RBFOX1: variants seen among roughly 807,000 people sequenced by gnomAD.
The protein encoded by RBFOX1 is RNA binding fox-1 homolog 1, also known as RNA binding protein fox-1 homolog 1.
Under a neutral mutation model 57.7 loss-of-function variants are expected in RBFOX1, and 8 were observed. That is an observed-to-expected ratio of 0.14 (90% CI 0.08 to 0.25). The LOEUF is 0.25. RBFOX1 is among the 10% of genes least tolerant of loss of function. The pLI is 1.00. For synonymous variants in RBFOX1, 326 were observed against 222.4 expected (o/e 1.47, Z -4.15); for missense variants, 611 against 548.5 (o/e 1.11, Z -1.14).
chr16:7,691,706 G>C (rs8056123), intron 14 of RBFOX1, among the ~76,000 whole-genome samples: 145,205 of 152,184 alleles, frequency 0.95, 69,629 homozygotes, highest in East Asian at 1. Flanking sequence ...TGGCTTTCCT[G>C]ATGTCTAGCA....
chr16:6,441,652 A>C (rs946744889), intron 2 of RBFOX1, among the ~76,000 whole-genome samples: 1 of 152,134 alleles, frequency 6.6e-6, no homozygotes, highest in Admixed American at 6.6e-5. Context: ...TCCTCACCTC[A>C]GGTGATCCAC....
chr16:5,788,796 G>C (rs1419505949), intron 3 of RBFOX1, among the ~76,000 whole-genome samples: 7 of 152,016 alleles, frequency 4.6e-5, no homozygotes, highest in African/African-American at 1.7e-4. Flanking sequence ...ACAGGCACAT[G>C]CTTTTCTACC....
At chr16:7,016,218 A>G (rs999182867) in intron 3 of RBFOX1, among the ~76,000 whole-genome samples, 4 of 152,124 alleles carry the variant, frequency 2.6e-5, no homozygotes, top group African/African-American at 9.7e-5. Context: ...CGCCATCAAC[A>G]TGTATCCCCA....
Position 6,907,165 on chromosome 16 carries a change from G to A in RBFOX1, c.-15-144892G>A, listed in dbSNP as rs148046211. 4.2e-3 allele frequency among the ~76,000 whole-genome samples: 643 copies of A among 152,232 alleles called. 6 individuals carry two copies. Among genetic ancestry groups the A allele is most frequent in the Non-Finnish European group, 5.0e-3 (338 of 68,024 alleles). ...AGACATTTCTGTGTTTTACAACTTGGCAGGGGAGTATGTCCTCCTGGCATC... is the reference window on the plus strand; with the variant it reads ...AGACATTTCTGTGTTTTACAACTTGACAGGGGAGTATGTCCTCCTGGCATC... On this transcript the variant is annotated intron_variant, in intron 3 of 15. Transcript: ENST00000550418.
chr16:7,567,619 CTATATA>C (rs368067278), intron 5 of RBFOX1, among the ~76,000 whole-genome samples: 1 of 25,122 alleles, frequency 4.0e-5, no homozygotes. Context: ...TTATATGGCC[CTATATA>C]TATATATATA....
intron 1 of RBFOX1, among the ~76,000 whole-genome samples, chr16:6,195,332 C>A (rs73532070): frequency 0.03 from 4,611 of 152,264 alleles, 95 homozygotes; most frequent in Middle Eastern, 0.068. Context: ...GTTGCTCCCA[C>A]CACACGTTCC....
intron 3 of RBFOX1, among the ~76,000 whole-genome samples, chr16:6,920,661 C>G (rs924805942): frequency 3.3e-5 from 5 of 152,064 alleles, no homozygotes; most frequent in African/African-American, 1.2e-4. Context: ...CATTTCATAC[C>G]TCTTCCCTAG....
At chr16:7,189,570 CACACACACACACACACAT>C (rs1263497043) in intron 4 of RBFOX1, among the ~76,000 whole-genome samples, 9 of 150,622 alleles carry the variant, frequency 6.0e-5, no homozygotes, top group South Asian at 2.1e-4. Flanking sequence ...CACACACACA[CACACACACACACACACAT>C]ACACACACAA....
intron 3 of RBFOX1, among the ~76,000 whole-genome samples, chr16:6,787,843 C>G (rs890052529): frequency 1.3e-5 from 2 of 152,152 alleles, no homozygotes; most frequent in African/African-American, 4.8e-5. Context: ...TATTTATATT[C>G]TATAAAGTTA....
At chr16:5,513,369 A>C (rs8058856) in intron 2 of RBFOX1, among the ~76,000 whole-genome samples, 91,068 of 152,060 alleles carry the variant, frequency 0.6, 29,657 homozygotes, top group African/African-American at 0.87. Context: ...GTGCCCCTTT[A>C]ATCATGTCAT....
chr16:5,629,684 G>A (rs2048443986), intron 3 of RBFOX1, among the ~76,000 whole-genome samples: 1 of 152,136 alleles, frequency 6.6e-6, no homozygotes, highest in Non-Finnish European at 1.5e-5. Flanking sequence ...CTTTTTATGT[G>A]CTTACCTCCC....
intron 4 of RBFOX1, among the ~76,000 whole-genome samples, chr16:7,128,641 C>T (rs1487635814): frequency 4.6e-5 from 7 of 152,024 alleles, no homozygotes; most frequent in Admixed American, 3.9e-4. Flanking sequence ...CTCATTTCTA[C>T]CCTATTGTTA....
chr16:6,821,616 G>A (rs528382470), intron 3 of RBFOX1, among the ~76,000 whole-genome samples: 1 of 152,270 alleles, frequency 6.6e-6, no homozygotes, highest in South Asian at 2.1e-4. Context: ...GTCCGTTTAT[G>A]ATATCTTACA....
At chr16:5,564,015 A>T (rs954526194) in intron 2 of RBFOX1, among the ~76,000 whole-genome samples, 7 of 151,796 alleles carry the variant, frequency 4.6e-5, no homozygotes, top group East Asian at 1.9e-4. Context: ...AGTTTTTTTA[A>T]AAAATTTTTT....
At chr16:5,958,755 C>G (rs974009818) in intron 4 of RBFOX1, among the ~76,000 whole-genome samples, 7 of 152,150 alleles carry the variant, frequency 4.6e-5, no homozygotes, top group Admixed American at 4.6e-4. Flanking sequence ...CTATTCCTTG[C>G]CTTGTCTAGC....
intron 4 of RBFOX1, among the ~76,000 whole-genome samples, chr16:5,870,394 G>GAAAA (rs1567651086): frequency 3.8e-4 from 50 of 130,902 alleles, no homozygotes; most frequent in African/African-American, 1.4e-3. Context: ...AAAAAAAAAT[G>GAAAA]AAGGCACTTG....
intron 11 of RBFOX1, among the ~76,000 whole-genome samples, chr16:7,639,254 T>G (rs1262185690): frequency 6.6e-6 from 1 of 152,128 alleles, no homozygotes; most frequent in South Asian, 2.1e-4. Flanking sequence ...CTGAACTGTT[T>G]CCATTTCTAT....
intron 3 of RBFOX1, among the ~76,000 whole-genome samples, chr16:6,969,465 T>C (rs1418378171): frequency 6.6e-6 from 1 of 152,086 alleles, no homozygotes; most frequent in African/African-American, 2.4e-5. Context: ...CCGGGTGTGG[T>C]GGCTCATGCC....
At chr16:6,274,316 G>A (rs1275780140) in intron 1 of RBFOX1, among the ~76,000 whole-genome samples, 2 of 152,130 alleles carry the variant, frequency 1.3e-5, no homozygotes, top group Non-Finnish European at 2.9e-5. Context: ...TTCACTGGGC[G>A]AATGGCTACA....
Sources: gnomAD v4.1 joint callset for allele counts (sites outside exome capture counted in the v4.1 genomes callset) on GRCh38, gnomAD v4.1.1 for gene constraint, MANE v1.5 for transcripts, NCBI Gene and HGNC (gene_info 2026-07-23, HGNC 2026-07-21) for gene names.